The following TNRC6A variants were observed in gnomAD, a reference collection of about 807,000 sequenced individuals.
TNRC6A encodes the protein trinucleotide repeat containing adaptor 6A.
A neutral mutation model predicts 221.2 loss-of-function variants in TNRC6A; 44 were observed. The observed-to-expected ratio is 0.20, with a 90% CI of 0.16 to 0.26. The LOEUF (loss-of-function observed/expected upper bound fraction) is 0.26, where lower values mean the gene tolerates loss of function less well. Among genes scored for constraint, TNRC6A ranks in the 10% least tolerant of loss-of-function variants. The pLI, the probability that TNRC6A is intolerant of heterozygous loss-of-function variation, is 1.00. For synonymous variants in TNRC6A, 847 were observed against 838.5 expected, an observed-to-expected ratio of 1.01 and a Z score of -0.18; for missense variants, 2,199 against 2,404.4, an observed-to-expected ratio of 0.91 and a Z score of 1.79.
At chr16:24,746,406 C>T (rs1392522239) in intron 2 of TNRC6A, among the ~76,000 whole-genome samples, 2 of 152,078 alleles carry the variant, frequency 1.3e-5, no homozygotes, top group South Asian at 2.1e-4. Flanking sequence ...AGTGAGACTT[C>T]GTCTCTAAAT....
At chr16:24,781,977 C>T (rs2057858863) in intron 5 of TNRC6A, among the ~76,000 whole-genome samples, 1 of 152,174 alleles carries the variant, frequency 6.6e-6, no homozygotes, top group Non-Finnish European at 1.5e-5. Context: ...CGCCCGCCAC[C>T]ATGCCCGGCT....
intron 2 of TNRC6A, among the ~76,000 whole-genome samples, chr16:24,660,737 T>TC (rs1358514874): frequency 1.5e-3 from 195 of 134,392 alleles, no homozygotes; most frequent in African/African-American, 5.6e-3. Flanking sequence ...TCTTTTTTTT[T>TC]TCTTTTTTTT....
intron 2 of TNRC6A, among the ~76,000 whole-genome samples, chr16:24,670,746 T>A (rs1285622935): frequency 6.6e-6 from 1 of 152,112 alleles, no homozygotes; most frequent in Non-Finnish European, 1.5e-5. Context: ...ACAGACACTG[T>A]GCATCACGCA....
chr16:24,692,017 A>C (rs181821793), intron 2 of TNRC6A, among the ~76,000 whole-genome samples: 1 of 152,216 alleles, frequency 6.6e-6, no homozygotes, highest in Non-Finnish European at 1.5e-5. Flanking sequence ...TTTAAAAAAA[A>C]GAATGAGTGA....
chr16:24,796,745 AT>A (rs1360754416), intron 9 of TNRC6A, among the ~76,000 whole-genome samples: 3 of 23,108 alleles, frequency 1.3e-4, no homozygotes, highest in Non-Finnish European at 2.7e-4. Flanking sequence ...GGAAGGGGTA[AT>A]GAAGTAATGA....
At chr16:24,697,265 G>A (rs957960445) in intron 2 of TNRC6A, among the ~76,000 whole-genome samples, 8 of 152,128 alleles carry the variant, frequency 5.3e-5, no homozygotes, top group Non-Finnish European at 7.3e-5. Flanking sequence ...AACTACCTAC[G>A]TCTGGGTATC....
At chr16:24,652,730 GT>G (rs1277267199) in intron 2 of TNRC6A, among the ~76,000 whole-genome samples, 1 of 152,176 alleles carries the variant, frequency 6.6e-6, no homozygotes, top group Non-Finnish European at 1.5e-5. Flanking sequence ...ATCTAAGAGT[GT>G]TTTGGGATCC....
intron 3 of TNRC6A, among the ~76,000 whole-genome samples, chr16:24,754,885 A>G (rs2057216962): frequency 2.0e-5 from 3 of 152,212 alleles, no homozygotes; most frequent in South Asian, 2.1e-4. Context: ...AGGGATTTTT[A>G]TAGGTGTTAT....
At chr16:24,816,770 A>T (rs1190120785) in intron 19 of TNRC6A, 46 bp from the exon 20 acceptor site, 8 of 1,575,360 alleles carry the variant, frequency 5.1e-6, no homozygotes, top group Non-Finnish European at 6.9e-6. Flanking sequence ...AATGGATTTT[A>T]AAATGATGAT....
chr16:24,686,871 C>T (rs1442424514), intron 2 of TNRC6A, among the ~76,000 whole-genome samples: 2 of 152,134 alleles, frequency 1.3e-5, no homozygotes, highest in Admixed American at 6.5e-5. Flanking sequence ...TCAGTATTCT[C>T]ATCTGTAAAA....
Position 24,789,771 on chromosome 16 carries a change from G to A in TNRC6A, c.1129G>A (p.Gly377Arg), listed in dbSNP as rs1328428864. The A allele has an allele frequency of 6.2e-7, 1 of 1,614,158 alleles. No individual in the cohort carries two copies. The highest frequency in any genetic ancestry group is 1.1e-5 in the South Asian group (1 of 91,076). Residue 377 changes from glycine (G) to arginine (R), a missense_variant, in exon 6 of 25, where the codon GGA (glycine) becomes AGA (arginine). This residue lies in a region of TNRC6A where 1,405 missense variants were observed against 1,400.2 expected (regional missense o/e 1.00). Coordinates refer to ENST00000395799, the MANE Select transcript of TNRC6A (RefSeq NM_014494.4). ...HGAWPVLENN[G>R]LALKGPVGSG... is the part of the protein sequence containing the mutation. ...TGCCTGGCCAGTATTAGAGAACAAT[G>A]GACTTGCCCTAAAAGGGCCTGTAGG...
chr16:24,793,564 C>A lies in TNRC6A; in HGVS notation c.3267C>A (p.Pro1089=). 6.4e-7 allele frequency: 1 copy of A among 1,573,776 alleles called. No homozygotes were observed. The highest frequency in any genetic ancestry group is 8.6e-7 in the Non-Finnish European group (1 of 1,159,236). Residue 1089 remains proline (P), a synonymous_variant, in exon 7 of 25, where the codon CCC becomes CCA. Coordinates refer to ENST00000395799, the MANE Select transcript of TNRC6A (RefSeq NM_014494.4). ...GGGGTAAGCCCATAGACAGTGGTCC[C>A]AGCTGGGGGGAACCCATTGCTGCGG... is the stretch of plus-strand genomic sequence containing the variant. ...SAWGKPIDSG[P]SWGEPIAAAS...
intron 6 of TNRC6A, chr16:24,793,272 C>G (rs1477133931): frequency 2.6e-6 from 1 of 382,850 alleles, no homozygotes; most frequent in Admixed American, 4.6e-5. Flanking sequence ...TAAAAAAATT[C>G]TCACCTTATA....
At position 24,824,698 on chromosome 16, in the gene TNRC6A, A is replaced by G. The variant is rs891351489; in HGVS notation, c.*891A>G. ...TGGGAAAAAGGAGCAGCATTTGGCCATGTTCTTTTGTTTTTCTATTCCTGT... is the reference window on the plus strand; with the variant it reads ...TGGGAAAAAGGAGCAGCATTTGGCCGTGTTCTTTTGTTTTTCTATTCCTGT... On this transcript the variant is annotated 3_prime_UTR_variant, in exon 25 of 25. Coordinates refer to ENST00000395799, the MANE Select transcript of TNRC6A (RefSeq NM_014494.4). 2.6e-5 allele frequency: 4 copies of G among 151,868 alleles called. No homozygotes were observed. Among genetic ancestry groups the G allele is most frequent in the African/African-American group, 9.7e-5 (4 of 41,164 alleles). 9.4% of individuals were successfully genotyped at this position (151,868 alleles called of 1,614,324 possible).
At chr16:24,719,046 A>AAG (rs1469015085) in intron 2 of TNRC6A, among the ~76,000 whole-genome samples, 4 of 151,876 alleles carry the variant, frequency 2.6e-5, no homozygotes, top group African/African-American at 9.7e-5. Context: ...CCAAAAAAAA[A>AAG]AAAAGAAAAG....
At chr16:24,715,332 C>T (rs1321041331) in intron 2 of TNRC6A, among the ~76,000 whole-genome samples, 1 of 152,170 alleles carries the variant, frequency 6.6e-6, no homozygotes, top group East Asian at 1.9e-4. Context: ...GCCTCAGCCT[C>T]CCAAATTGCT....
chr16:24,635,260 A>G (rs1035365227), intron 1 of TNRC6A, among the ~76,000 whole-genome samples: 1 of 146,446 alleles, frequency 6.8e-6, no homozygotes, highest in African/African-American at 2.5e-5. Context: ...TATTCATAAG[A>G]TTCTGCACGT....
chr16:24,791,107 G>A lies in TNRC6A; in HGVS notation c.2465G>A (p.Cys822Tyr). The A allele has an allele frequency of 1.2e-6, 2 of 1,613,706 alleles. No homozygotes were observed. The highest frequency in any genetic ancestry group is 1.7e-6 in the Non-Finnish European group (2 of 1,179,786). ...GMVKSNQWGNCKEEKAAWNDS... is the reference protein window; with the variant it reads ...GMVKSNQWGNYKEEKAAWNDS... ...GTCAAGAGCAATCAGTGGGGGAATT[G>A]CAAAGAGGAGAAGGCTGCATGGAAT... The change falls in exon 6 of 25, where the codon TGC becomes TAC. Residue 822 changes from cysteine to tyrosine, a missense_variant. Physicochemically the swap from Cys to Tyr is radical, Grantham distance 194. Coordinates refer to ENST00000395799, the MANE Select transcript of TNRC6A (RefSeq NM_014494.4).
At chr16:24,717,210 A>T (rs1375795975) in intron 2 of TNRC6A, among the ~76,000 whole-genome samples, 1 of 152,078 alleles carries the variant, frequency 6.6e-6, no homozygotes, top group African/African-American at 2.4e-5. Context: ...CCAGCCTCCC[A>T]AGTAGCTAGG....
Sources: gnomAD v4.1 joint callset for allele counts (sites outside exome capture counted in the v4.1 genomes callset) on GRCh38, gnomAD v4.1.1 for gene constraint, gnomAD v4.1.1 regional missense constraint, MANE v1.5 for transcripts, NCBI Gene and HGNC (gene_info 2026-07-23, HGNC 2026-07-21) for gene names.